The following SVOP variants were observed in gnomAD, a reference collection of about 807,000 sequenced individuals.
The protein encoded by SVOP is SV2 related protein.
A neutral mutation model predicts 69.1 loss-of-function variants in SVOP; 17 were observed. The observed-to-expected ratio is 0.25, with a 90% CI of 0.17 to 0.37. The LOEUF is 0.37. Ranked by LOEUF, SVOP falls within the 10% of genes least tolerant of loss-of-function variation. The pLI, the probability that SVOP is intolerant of heterozygous loss-of-function variation, is 1.00. For missense variants in SVOP, 435 were observed against 597.5 expected (o/e 0.73, Z 2.84); for synonymous variants, 238 against 238.6 (o/e 1.00, Z 0.02).
chr12:108,979,881 C>T (rs2040126965), intron 2 of SVOP, among the ~76,000 whole-genome samples: 1 of 152,200 alleles, frequency 6.6e-6, no homozygotes, highest in South Asian at 2.1e-4. Flanking sequence ...TTGAAACATA[C>T]TAAAAGACGG....
At chr12:108,914,812 C>T (rs1342866406) in intron 15 of SVOP, among the ~76,000 whole-genome samples, 1 of 151,614 alleles carries the variant, frequency 6.6e-6, no homozygotes, top group East Asian at 2.0e-4. Context: ...CCCGCCTCAG[C>T]CTCCTAAAGG....
intron 1 of SVOP, among the ~76,000 whole-genome samples, chr12:109,015,406 C>T (rs1026833716): frequency 1.3e-5 from 2 of 152,158 alleles, no homozygotes. Context: ...GACATCATTG[C>T]AATCAATCCC....
At chr12:108,953,277 T>C (rs1452022760) in intron 6 of SVOP, among the ~76,000 whole-genome samples, 1 of 150,894 alleles carries the variant, frequency 6.6e-6, no homozygotes, top group Admixed American at 6.7e-5. Flanking sequence ...GCCTCCCAAG[T>C]AGCTGGGATT....
intron 1 of SVOP, among the ~76,000 whole-genome samples, chr12:109,013,286 A>G (rs1018648571): frequency 1.3e-5 from 2 of 152,194 alleles, no homozygotes; most frequent in Non-Finnish European, 2.9e-5. Flanking sequence ...ACGTGCTATG[A>G]AAAAAAGAAA....
chr12:108,935,398 AAATTAGTCTCT>A (rs2039850342), intron 10 of SVOP, among the ~76,000 whole-genome samples: 1 of 152,206 alleles, frequency 6.6e-6, no homozygotes. Flanking sequence ...TAATGCACTA[AAATTAGTCTCT>A]AATTAATTGC....
At chr12:108,966,429 C>A (rs1444552716) in intron 5 of SVOP, among the ~76,000 whole-genome samples, 1 of 152,158 alleles carries the variant, frequency 6.6e-6, no homozygotes, top group Non-Finnish European at 1.5e-5. Flanking sequence ...TGAGTCCTAA[C>A]CCCGTATGTG....
intron 11 of SVOP, among the ~76,000 whole-genome samples, chr12:108,931,828 G>T (rs1169389036): frequency 1.1e-5 from 1 of 93,382 alleles, no homozygotes; most frequent in African/African-American, 3.0e-5. Flanking sequence ...GCGAGACTCC[G>T]TCTCAAAAAA....
intron 5 of SVOP, among the ~76,000 whole-genome samples, chr12:108,961,704 T>C (rs2040018701): frequency 6.6e-6 from 1 of 152,208 alleles, no homozygotes; most frequent in African/African-American, 2.4e-5. Flanking sequence ...ATCAACAATA[T>C]TCAGTTAAGT....
chr12:108,945,787 G>C (rs754148185), intron 6 of SVOP, among the ~76,000 whole-genome samples: 1 of 152,066 alleles, frequency 6.6e-6, no homozygotes, highest in Non-Finnish European at 1.5e-5. Context: ...ATGTTTTCTT[G>C]GCAGGAACAC....
Position 108,910,782 on chromosome 12 carries a change from C to A in SVOP, c.*1753G>T, listed in dbSNP as rs1044477345. 1.3e-5 allele frequency: 2 copies of A among 152,212 alleles called. No homozygotes were observed. Among genetic ancestry groups the A allele is most frequent in the African/African-American group, 4.8e-5 (2 of 41,448 alleles). The allele number at this position is 152,212 out of a possible 1,614,324, so 9.4% of individuals were successfully genotyped here. On this transcript the variant is annotated 3_prime_UTR_variant, in exon 16 of 16. Transcript: ENST00000610966. ...CCACTCATTGGAAAGGAGATTATCA[C>A]ACTAAAGCATTGAGATGAATTCCGA...
chr12:108,966,496 G>C (rs1245357285), intron 5 of SVOP, among the ~76,000 whole-genome samples: 1 of 152,068 alleles, frequency 6.6e-6, no homozygotes. Flanking sequence ...AGCTGGGCCA[G>C]GGCAGATCAA....
At chr12:108,942,258 CG>C (rs1310737010) in intron 7 of SVOP, among the ~76,000 whole-genome samples, 1 of 152,186 alleles carries the variant, frequency 6.6e-6, no homozygotes, top group Non-Finnish European at 1.5e-5. Context: ...GACAGACACT[CG>C]GGTTGCTTCC....
At chr12:108,960,454 A>G (rs1438829811) in intron 6 of SVOP, among the ~76,000 whole-genome samples, 1 of 152,164 alleles carries the variant, frequency 6.6e-6, no homozygotes, top group Non-Finnish European at 1.5e-5. Context: ...TGTGGTTAGC[A>G]TCATACTCTG....
At chr12:109,008,712 C>T (rs1344500734) in intron 1 of SVOP, among the ~76,000 whole-genome samples, 1 of 152,178 alleles carries the variant, frequency 6.6e-6, no homozygotes, top group Non-Finnish European at 1.5e-5. Flanking sequence ...GCTGTCTCCA[C>T]TTTACAGATG....
At chr12:108,997,450 G>T (rs1463515356) in intron 1 of SVOP, among the ~76,000 whole-genome samples, 1 of 151,986 alleles carries the variant, frequency 6.6e-6, no homozygotes, top group Admixed American at 6.6e-5. Context: ...GAACTGGGTG[G>T]AGCCCACCAC....
chr12:108,979,467 C>G (rs1009839742), intron 2 of SVOP, among the ~76,000 whole-genome samples: 1 of 152,086 alleles, frequency 6.6e-6, no homozygotes. Context: ...GTCTTGAACT[C>G]CTGAGCTCAA....
intron 9 of SVOP, among the ~76,000 whole-genome samples, chr12:108,937,817 A>G (rs981279671): frequency 5.3e-5 from 8 of 152,260 alleles, no homozygotes; most frequent in African/African-American, 9.6e-5. Flanking sequence ...AATTTTACAT[A>G]ATTCACAAAT....
At chr12:109,001,200 C>T (rs1355289890) in intron 1 of SVOP, among the ~76,000 whole-genome samples, 1 of 62,954 alleles carries the variant, frequency 1.6e-5, no homozygotes, top group Non-Finnish European at 3.4e-5. Flanking sequence ...AGTGAACTCC[C>T]ATTCACAATT....
Position 108,950,447 on chromosome 12 carries a change from G to A in SVOP, c.579-5281C>T, listed in dbSNP as rs140776665. On this transcript the variant is annotated intron_variant, in intron 6 of 15. Transcript: ENST00000610966. ...CACCCAGGCTGGAGTGCAGTGGCAC[G>A]ATAATGGCTTACTGCAGCCTTGACC... Among the ~76,000 whole-genome samples, 11 of 151,800 alleles carry A rather than the reference G, an allele frequency of 7.2e-5. No individual in the cohort carries two copies. The East Asian group carries it at 1.6e-3, about 21-fold the overall frequency.
Sources: gnomAD v4.1 joint callset for allele counts (sites outside exome capture counted in the v4.1 genomes callset) on GRCh38, gnomAD v4.1.1 for gene constraint, MANE v1.5 for transcripts, NCBI Gene and HGNC (gene_info 2026-07-23, HGNC 2026-07-21) for gene names.